The following KLHL29 variants were observed in gnomAD, a reference collection of about 807,000 sequenced individuals.
The protein encoded by KLHL29 is kelch-like protein 29.
KLHL29 carries 21 observed loss-of-function variants against 80.4 expected under a neutral mutation model. That is an observed-to-expected ratio of 0.26 (90% CI 0.19 to 0.38). The LOEUF is 0.38. KLHL29 is among the 10% of genes least tolerant of loss of function. The pLI is 1.00. For synonymous variants in KLHL29, 511 were observed against 526.8 expected (o/e 0.97, Z 0.41); for missense variants, 867 against 1,223.9 (o/e 0.71, Z 4.35).
At chr2:23,573,706 G>A (rs769514207) in intron 3 of KLHL29, among the ~76,000 whole-genome samples, 48 of 152,230 alleles carry the variant, frequency 3.2e-4, no homozygotes, top group Non-Finnish European at 6.6e-4. Flanking sequence ...GCCAGCTGCA[G>A]TCCTCTTCAT....
intron 3 of KLHL29, among the ~76,000 whole-genome samples, chr2:23,607,271 G>A (rs1258636662): frequency 3.3e-5 from 5 of 152,190 alleles, no homozygotes. Flanking sequence ...CTCAGAGGGG[G>A]CCTGCACACT....
intron 2 of KLHL29, among the ~76,000 whole-genome samples, chr2:23,547,897 CAGG>C (rs1558383121): frequency 6.6e-6 from 1 of 152,146 alleles, no homozygotes; most frequent in Admixed American, 6.5e-5. Context: ...GGAAGGCTTC[CAGG>C]AGGAGGTGAA....
intron 2 of KLHL29, among the ~76,000 whole-genome samples, chr2:23,553,419 G>A (rs1667178735): frequency 6.6e-6 from 1 of 152,222 alleles, no homozygotes. Context: ...GCTGGCATCA[G>A]CCTGGGGCAC....
intron 3 of KLHL29, among the ~76,000 whole-genome samples, chr2:23,565,723 G>A (rs1268252409): frequency 1.3e-5 from 2 of 152,336 alleles, no homozygotes; most frequent in East Asian, 1.9e-4. Context: ...AGCTGTGTCC[G>A]AGCTCACCAG....
Position 23,412,628 on chromosome 2 carries a change from G to A in KLHL29, c.-154+26848G>A, listed in dbSNP as rs539885631. Among the ~76,000 whole-genome samples, 110 of 152,196 alleles carry A rather than the reference G, an allele frequency of 7.2e-4. 3 individuals are homozygous for A. The highest frequency in any genetic ancestry group is 2.0e-3 in the Admixed American group (30 of 15,280). On this transcript the variant is annotated intron_variant, in intron 1 of 13. Transcript: ENST00000486442. ...GCTGGGGACAGAGCTGTGAGAACCA[G>A]AGGGAGTGGAGATTACTGTGGACAA...
At chr2:23,537,296 G>C (rs1666700862) in intron 2 of KLHL29, among the ~76,000 whole-genome samples, 1 of 152,082 alleles carries the variant, frequency 6.6e-6, no homozygotes, top group African/African-American at 2.4e-5. Context: ...GGAGGGGTCT[G>C]CTTCCCCCTT....
chr2:23,480,895 C>T (rs1267720350), intron 2 of KLHL29, among the ~76,000 whole-genome samples: 1 of 152,196 alleles, frequency 6.6e-6, no homozygotes, highest in Admixed American at 6.5e-5. Flanking sequence ...TCATGTTTAT[C>T]CTGTCACTTG....
At chr2:23,518,548 A>G (rs1331646393) in intron 2 of KLHL29, among the ~76,000 whole-genome samples, 1 of 152,154 alleles carries the variant, frequency 6.6e-6, no homozygotes, top group African/African-American at 2.4e-5. Flanking sequence ...AGACAGCCCT[A>G]GAAAAGAAAC....
chr2:23,686,246 A>G (rs1167147375), intron 6 of KLHL29, among the ~76,000 whole-genome samples: 4 of 151,730 alleles, frequency 2.6e-5, no homozygotes, highest in Non-Finnish European at 5.9e-5. Context: ...GGGTAACTTC[A>G]AGAGCAGTGG....
intron 3 of KLHL29, among the ~76,000 whole-genome samples, chr2:23,585,800 G>C (rs1385939361): frequency 6.6e-6 from 1 of 152,182 alleles, no homozygotes; most frequent in Non-Finnish European, 1.5e-5. Flanking sequence ...AAGCCCACCA[G>C]CCGCCCTCCC....
At chr2:23,633,775 G>A (rs1351328853) in intron 3 of KLHL29, among the ~76,000 whole-genome samples, 1 of 151,938 alleles carries the variant, frequency 6.6e-6, no homozygotes, top group Non-Finnish European at 1.5e-5. Flanking sequence ...GTGTGTGTGT[G>A]TGTGTGTGTG....
At chr2:23,492,267 C>A (rs768953822) in intron 2 of KLHL29, among the ~76,000 whole-genome samples, 1 of 152,198 alleles carries the variant, frequency 6.6e-6, no homozygotes, top group South Asian at 2.1e-4. Flanking sequence ...CCCCCTTGAC[C>A]TCCTCCCAAG....
At chr2:23,542,115 T>C (rs1413111300) in intron 2 of KLHL29, among the ~76,000 whole-genome samples, 1 of 152,080 alleles carries the variant, frequency 6.6e-6, no homozygotes, top group Non-Finnish European at 1.5e-5. Flanking sequence ...GTGGTGGCAG[T>C]GTTTTGTTTT....
chr2:23,427,532 A>G (rs181053070), intron 1 of KLHL29, among the ~76,000 whole-genome samples: 1 of 152,280 alleles, frequency 6.6e-6, no homozygotes, highest in African/African-American at 2.4e-5. Flanking sequence ...ATCCGTGTTT[A>G]TTAGTTTATG....
chr2:23,673,801 G>A (rs1670847669), intron 5 of KLHL29, among the ~76,000 whole-genome samples: 2 of 150,744 alleles, frequency 1.3e-5, no homozygotes, highest in South Asian at 4.2e-4. Flanking sequence ...TTAGCACACA[G>A]GGGTGCATAC....
rs567159896 is a variant in KLHL29, at chr2:23,525,466, AT to A, written c.-45-36685del. Among the ~76,000 whole-genome samples, 375 of 152,352 alleles carry A rather than the reference AT, an allele frequency of 2.5e-3. 1 individual carries two copies. The highest frequency in any genetic ancestry group is 9.1e-3 in the Admixed American group (140 of 15,306). On this transcript the variant is annotated intron_variant, in intron 2 of 13. Transcript: ENST00000486442. ...ACCCAGCTTCCATGGCCAAGAAGAA[AT>A]GGTGGCCGGAGCTTGCTGGCATCTG...
intron 5 of KLHL29, among the ~76,000 whole-genome samples, chr2:23,649,683 G>T (rs1222569111): frequency 6.6e-6 from 1 of 152,234 alleles, no homozygotes; most frequent in Non-Finnish European, 1.5e-5. Flanking sequence ...CCCTGCTCTG[G>T]CCCCAGTTGT....
At chr2:23,607,001 G>T (rs559463855) in intron 3 of KLHL29, among the ~76,000 whole-genome samples, 1 of 152,342 alleles carries the variant, frequency 6.6e-6, no homozygotes, top group East Asian at 1.9e-4. Flanking sequence ...GTACTCCATG[G>T]TGGAAGGGGC....
intron 3 of KLHL29, among the ~76,000 whole-genome samples, chr2:23,570,307 A>G (rs1667688265): frequency 1.3e-5 from 2 of 152,156 alleles, no homozygotes. Flanking sequence ...CCCTTCTGGC[A>G]CTGTGAAAAG....
Sources: gnomAD v4.1 joint callset for allele counts (sites outside exome capture counted in the v4.1 genomes callset) on GRCh38, gnomAD v4.1.1 for gene constraint, MANE v1.5 for transcripts, NCBI Gene and HGNC (gene_info 2026-07-23, HGNC 2026-07-21) for gene names.